The following SYNE2 variants were observed in gnomAD, a reference collection of about 807,000 sequenced individuals.
The protein encoded by SYNE2 is spectrin repeat containing nuclear envelope protein 2.
Under a neutral mutation model 856.3 loss-of-function variants are expected in SYNE2, and 431 were observed. The ratio of observed to expected loss-of-function variants is 0.50; its 90% CI spans 0.47 to 0.55. SYNE2 has a LOEUF of 0.55. Ranked by LOEUF, SYNE2 falls within the 20% of genes least tolerant of loss-of-function variation. The probability of loss-of-function intolerance (pLI) is 0.00; values close to 1 mark genes in which losing one functional copy is unlikely to be tolerated. For synonymous variants in SYNE2, 2,923 were observed against 2,872.3 expected (o/e 1.02, Z -0.56); for missense variants, 8,129 against 8,023.2 (o/e 1.01, Z -0.50).
At chr14:64,178,577 C>CA (rs1049462365) in intron 96 of SYNE2, among the ~76,000 whole-genome samples, 38 of 140,556 alleles carry the variant, frequency 2.7e-4, no homozygotes, top group African/African-American at 1.2e-3. Flanking sequence ...CCTACCTCAG[C>CA]CCCCCCGAGT....
At chr14:64,008,941 C>A (rs1360606815) in intron 31 of SYNE2, among the ~76,000 whole-genome samples, 2 of 152,260 alleles carry the variant, frequency 1.3e-5, no homozygotes, top group Middle Eastern at 3.4e-3. Context: ...GGCAGTTTCC[C>A]CTGATTCTGC....
Position 64,020,080 on chromosome 14 carries a change from C to G in SYNE2, c.5138C>G (p.Pro1713Arg). The part of the protein sequence containing the change: ...IQFLLQSSEI[P>R]LELQVMESSI... ...TTTTTGCTCCAAAGCAGTGAAATAC[C>G]TCTTGAATTGCAGGTAAGAATTTTT... Residue 1713 changes from proline (P) to arginine (R), a missense_variant, in exon 35 of 116, where the codon CCT becomes CGT. This residue lies in a region of SYNE2 where 2,422 missense variants were observed against 2,357.4 expected (regional missense o/e 1.03). Coordinates refer to ENST00000555002, the MANE Select transcript of SYNE2 (RefSeq NM_182914.3). The G allele has an allele frequency of 6.2e-7, 1 of 1,611,348 alleles. No homozygotes were observed. Among genetic ancestry groups the G allele is most frequent in the South Asian group, 1.1e-5 (1 of 91,008 alleles).
intron 1 of SYNE2, among the ~76,000 whole-genome samples, chr14:63,889,892 G>A (rs190425961): frequency 4.3e-4 from 66 of 152,184 alleles, no homozygotes; most frequent in Admixed American, 2.0e-3. Context: ...ATGGACAACC[G>A]TGTATTAATA....
intron 11 of SYNE2, among the ~76,000 whole-genome samples, chr14:63,969,888 A>T (rs916931254): frequency 6.6e-6 from 1 of 152,094 alleles, no homozygotes. Context: ...AATGCTGTCA[A>T]ATTTTGCTTC....
intron 57 of SYNE2, among the ~76,000 whole-genome samples, chr14:64,086,696 G>A (rs2097564238): frequency 7.4e-6 from 1 of 134,968 alleles, no homozygotes; most frequent in Non-Finnish European, 1.5e-5. Flanking sequence ...TTTTCAGTAT[G>A]CAGGTCTTTT....
intron 1 of SYNE2, among the ~76,000 whole-genome samples, chr14:63,898,259 C>T (rs945127456): frequency 6.6e-6 from 1 of 152,204 alleles, no homozygotes; most frequent in Non-Finnish European, 1.5e-5. Context: ...CCTTTTCCTG[C>T]CTCAATCTGC....
chr14:64,205,587 T>C (rs2098601447), intron 100 of SYNE2, among the ~76,000 whole-genome samples: 1 of 152,196 alleles, frequency 6.6e-6, no homozygotes, highest in Admixed American at 6.5e-5. Flanking sequence ...AGCCATGATG[T>C]CCCCGGATCC....
At chr14:63,775,607 G>A (rs1484280453) in intron 1 of SYNE2, among the ~76,000 whole-genome samples, 1 of 151,880 alleles carries the variant, frequency 6.6e-6, no homozygotes, top group Non-Finnish European at 1.5e-5. Context: ...TTGAGACAGG[G>A]TCTCACTCTG....
intron 1 of SYNE2, among the ~76,000 whole-genome samples, chr14:63,872,761 CAAAAAAAA>C (rs36125169): frequency 1.1e-5 from 1 of 87,772 alleles, no homozygotes; most frequent in Admixed American, 1.4e-4. Context: ...GACTCTGCCT[CAAAAAAAA>C]AAAAAAAAAA....
chr14:64,026,859 A>G (rs2096984162), intron 42 of SYNE2, 129 bp downstream of exon 42: 1 of 1,109,462 alleles, frequency 9.0e-7, no homozygotes, highest in Non-Finnish European at 1.3e-6. Context: ...TGTCAGGGAC[A>G]TCCACAGTGT....
chr14:63,986,722 T>C (rs779523771), intron 19 of SYNE2, 105 bp downstream of exon 19: 6 of 1,262,338 alleles, frequency 4.8e-6, no homozygotes, highest in Admixed American at 1.8e-5. Context: ...ACAGTTTTAA[T>C]TTTCTTTGTT....
chr14:64,069,461 T>C (rs539021083), intron 51 of SYNE2, among the ~76,000 whole-genome samples: 1 of 152,332 alleles, frequency 6.6e-6, no homozygotes, highest in South Asian at 2.1e-4. Flanking sequence ...ATTCTAGTTA[T>C]TGGGTACCCA....
At chr14:63,829,797 T>G (rs1889598996) in intron 1 of SYNE2, among the ~76,000 whole-genome samples, 1 of 152,058 alleles carries the variant, frequency 6.6e-6, no homozygotes, top group Admixed American at 6.6e-5. Context: ...TTTTTATTTT[T>G]GGGGTAGACG....
At chr14:63,801,967 T>A (rs12892514) in intron 1 of SYNE2, among the ~76,000 whole-genome samples, 10,247 of 145,670 alleles carry the variant, frequency 0.07, 360 homozygotes, top group Admixed American at 0.11. Context: ...AAGGTCTTTT[T>A]AAACAATACA....
intron 74 of SYNE2, 143 bp downstream of exon 74, chr14:64,128,696 C>G (rs2097976172): frequency 1.5e-6 from 1 of 663,092 alleles, no homozygotes; most frequent in African/African-American, 1.8e-5. Context: ...TTTATGTTGA[C>G]TTTTTAAAAA....
intron 14 of SYNE2, among the ~76,000 whole-genome samples, chr14:63,980,246 G>A (rs1022197802): frequency 6.6e-6 from 1 of 152,046 alleles, no homozygotes; most frequent in Non-Finnish European, 1.5e-5. Context: ...ATATCTTTTT[G>A]TAACGTACGC....
chr14:63,949,624 C>T (rs547530705), intron 6 of SYNE2, among the ~76,000 whole-genome samples: 49 of 152,114 alleles, frequency 3.2e-4, no homozygotes, highest in African/African-American at 1.1e-3. Context: ...TAAGGAATGA[C>T]CCAAGTCATT....
rs117152317 is a variant in SYNE2 at position 64,058,270 on chromosome 14, T to C, written c.10067+2004T>C. The stretch of plus-strand genomic sequence containing the variant: ...ATAGGTCTTAGATTTAAATCTTTAA[T>C]CCATTTTGATTTGAGTTTTGTATAT... On this transcript the variant is annotated intron_variant, in intron 49 of 115. Transcript: ENST00000555002. Among the ~76,000 whole-genome samples the C allele has an allele frequency of 1.1e-3, 160 of 152,300 alleles. 2 individuals are homozygous for C. In the East Asian group the frequency reaches 0.016, roughly 15 times the overall value.
At position 64,114,800 on chromosome 14, in the gene SYNE2, G is replaced by A. The variant is rs370371235; in HGVS notation, c.12840+1229G>A. Among the ~76,000 whole-genome samples, 31 of 151,890 alleles carry A rather than the reference G, an allele frequency of 2.0e-4. No individual in the cohort carries two copies. In the East Asian group the frequency reaches 5.2e-3, roughly 26 times the overall value. ...ACCCGGCTACTTTTTGTATTTTTTTGTAGAGATGAGAGGTCTCACTATATT... is the reference window on the plus strand; with the variant it reads ...ACCCGGCTACTTTTTGTATTTTTTTATAGAGATGAGAGGTCTCACTATATT... On this transcript the variant is annotated intron_variant, in intron 66 of 115. Coordinates refer to ENST00000555002, the MANE Select transcript of SYNE2 (RefSeq NM_182914.3).
Sources: allele counts gnomAD v4.1 joint callset (sites outside exome capture counted in the v4.1 genomes callset), GRCh38; gene constraint gnomAD v4.1.1; regional missense constraint gnomAD v4.1.1; transcripts MANE v1.5; gene names NCBI Gene and HGNC (gene_info 2026-07-23, HGNC 2026-07-21).